The following SYT9 variants were observed in gnomAD, a reference collection of about 807,000 sequenced individuals.
SYT9 encodes synaptotagmin-9.
SYT9 carries 22 observed loss-of-function variants against 48.4 expected under a neutral mutation model. The ratio of observed to expected loss-of-function variants is 0.45; its 90% CI spans 0.32 to 0.65. The LOEUF (loss-of-function observed/expected upper bound fraction) is 0.65, where lower values mean the gene tolerates loss of function less well. Among genes scored for constraint, SYT9 ranks in the 30% least tolerant of loss-of-function variants. The probability of loss-of-function intolerance (pLI) is 0.03; values close to 1 mark genes in which losing one functional copy is unlikely to be tolerated. For missense variants in SYT9, 577 were observed against 622.0 expected, an observed-to-expected ratio of 0.93 and a Z score of 0.77; for synonymous variants, 265 against 245.0, an observed-to-expected ratio of 1.08 and a Z score of -0.76.
At chr11:7,250,277 GCTAAT>G (rs1847843723), upstream of SYT9, among the ~76,000 whole-genome samples, 1 of 152,162 alleles carries the variant, frequency 6.6e-6, no homozygotes, top group African/African-American at 2.4e-5. Flanking sequence ...CTAGCAATCA[GCTAAT>G]GCCTTTGGCC....
In SYT9 at chr11:7,277,336, G is replaced by T. The variant is rs977052187; in HGVS notation, c.145+25005G>T. ...CATTTCCAAAATCTGAAAAATATTA[G>T]TGTAATCTGCAAAATGTGAATTCAT... On this transcript the variant is annotated intron_variant, in intron 1 of 6. Transcript: ENST00000318881. Among the ~76,000 whole-genome samples the T allele has an allele frequency of 1.1e-4, 16 of 152,294 alleles. No individual in the cohort carries two copies. In the East Asian group the frequency reaches 2.9e-3, roughly 28 times the overall value.
chr11:7,350,038 G>T (rs748234551), intron 3 of SYT9, among the ~76,000 whole-genome samples: 1 of 152,128 alleles, frequency 6.6e-6, no homozygotes, highest in Non-Finnish European at 1.5e-5. Flanking sequence ...GCCAGGGGGG[G>T]ACCCACCGAG....
At position 7,468,962 on chromosome 11, in the gene SYT9, C is replaced by T. The variant is rs1045754569; in HGVS notation, c.*2162C>T. The T allele has an allele frequency of 8.0e-5, 12 of 149,670 alleles. No homozygotes were observed. The highest frequency in any genetic ancestry group is 2.7e-4 in the African/African-American group (11 of 40,156). The allele number at this position is 149,670 out of a possible 1,614,324, so 9.3% of individuals were successfully genotyped here. On this transcript the variant is annotated 3_prime_UTR_variant, in exon 7 of 7. Coordinates refer to ENST00000318881, the MANE Select transcript of SYT9 (RefSeq NM_175733.4). Reference sequence around the variant, plus strand: ...TGGTTATAAATTTGAACTCCCTCAGCCCATTTGCAACTCTGCCTCTGTTCT... The same window carrying T: ...TGGTTATAAATTTGAACTCCCTCAGTCCATTTGCAACTCTGCCTCTGTTCT...
intron 1 of SYT9, chr11:7,239,019 C>T (rs1168180991): frequency 6.8e-6 from 3 of 444,140 alleles, no homozygotes; most frequent in Non-Finnish European, 1.4e-5. Flanking sequence ...TTGGAGCTGT[C>T]TGCTGACAGA....
chr11:7,264,938 T>C (rs766285126), intron 1 of SYT9, among the ~76,000 whole-genome samples: 12 of 152,084 alleles, frequency 7.9e-5, no homozygotes, highest in Non-Finnish European at 1.5e-4. Flanking sequence ...AGTTGTGGTG[T>C]AGTGGTGTGT....
chr11:7,356,678 AT>A (rs1850028724), intron 3 of SYT9, among the ~76,000 whole-genome samples: 1 of 152,246 alleles, frequency 6.6e-6, no homozygotes, highest in Non-Finnish European at 1.5e-5. Flanking sequence ...CAACTGTCAC[AT>A]TTTACAGTAG....
At chr11:7,313,293 C>A in intron 2 of SYT9, 102 bp from the exon 3 acceptor site, 1 of 1,254,940 alleles carries the variant, frequency 8.0e-7, no homozygotes, top group South Asian at 1.6e-5. Flanking sequence ...GATCTAAGCT[C>A]CTGACAAAAT....
chr11:7,412,958 C>G (rs1847166893), intron 3 of SYT9, among the ~76,000 whole-genome samples: 1 of 152,188 alleles, frequency 6.6e-6, no homozygotes, highest in Admixed American at 6.5e-5. Context: ...GGATGGCATG[C>G]TCAAGTACTG....
chr11:7,246,454 G>T (rs749812353), intron 1 of SYT9, among the ~76,000 whole-genome samples: 1 of 152,174 alleles, frequency 6.6e-6, no homozygotes, highest in Non-Finnish European at 1.5e-5. Flanking sequence ...ATGAATGAAA[G>T]AACAAATAGT....
chr11:7,260,272 A>T (rs1401866744), intron 1 of SYT9, among the ~76,000 whole-genome samples: 1 of 152,200 alleles, frequency 6.6e-6, no homozygotes, highest in Admixed American at 6.5e-5. Context: ...AAAAGAGGAG[A>T]GAAGTAATTA....
At chr11:7,288,779 T>TG (rs1227025031) in intron 1 of SYT9, among the ~76,000 whole-genome samples, 3 of 152,234 alleles carry the variant, frequency 2.0e-5, no homozygotes, top group Non-Finnish European at 2.9e-5. Context: ...GACCACTGTC[T>TG]GATCTCCCAC....
At chr11:7,413,511 G>A (rs141345162) in intron 3 of SYT9, among the ~76,000 whole-genome samples, 122 of 152,246 alleles carry the variant, frequency 8.0e-4, no homozygotes, top group African/African-American at 2.8e-3. Context: ...TATGTGGTGG[G>A]AATGTGGACC....
rs527341025 is a variant in SYT9, at chr11:7,349,523, G to A, written c.1044+35582G>A. 6.6e-5 allele frequency among the ~76,000 whole-genome samples: 10 copies of A among 152,164 alleles called. 1 individual carries two copies. The highest frequency in any genetic ancestry group is 3.4e-3 in the Middle Eastern group (1 of 294). ...GCCAGTTGAGGTGGGCTGCGGGCAG[G>A]GGTCATGTTCCTACAGGGGCCACCT... is the stretch of plus-strand genomic sequence containing the variant. On this transcript the variant is annotated intron_variant, in intron 3 of 6. Coordinates refer to ENST00000318881, the MANE Select transcript of SYT9 (RefSeq NM_175733.4).
intron 1 of SYT9, among the ~76,000 whole-genome samples, chr11:7,286,411 C>G (rs756556240): frequency 2.0e-5 from 3 of 152,166 alleles, no homozygotes; most frequent in African/African-American, 7.2e-5. Flanking sequence ...GCAGGGGGGG[C>G]CCAGGACCTG....
At position 7,408,960 on chromosome 11, in the gene SYT9, C is replaced by T. The variant is rs540323084; in HGVS notation, c.1045-7082C>T. 2.6e-5 allele frequency among the ~76,000 whole-genome samples: 4 copies of T among 152,218 alleles called. No individual in the cohort carries two copies. The East Asian group carries it at 7.7e-4, about 29-fold the overall frequency. ...GAAAGTGGGTATTTGTGTTGAGTTA[C>T]AGATCTGAGAAGAAAGGCTTTCATC... is the stretch of plus-strand genomic sequence containing the variant. On this transcript the variant is annotated intron_variant, in intron 3 of 6. Transcript: ENST00000318881.
At chr11:7,294,243 T>TG (rs957397820) in intron 1 of SYT9, among the ~76,000 whole-genome samples, 4 of 152,124 alleles carry the variant, frequency 2.6e-5, no homozygotes, top group Non-Finnish European at 5.9e-5. Flanking sequence ...CATATGAATT[T>TG]GGGGGGGACA....
chr11:7,292,692 C>A (rs1848715818), intron 1 of SYT9, among the ~76,000 whole-genome samples: 1 of 152,198 alleles, frequency 6.6e-6, no homozygotes, highest in African/African-American at 2.4e-5. Flanking sequence ...TAAAACTCTG[C>A]ACATCAGATT....
intron 3 of SYT9, among the ~76,000 whole-genome samples, chr11:7,328,099 ATTTT>A (rs1564863930): frequency 8.8e-5 from 4 of 45,666 alleles, no homozygotes; most frequent in Middle Eastern, 0.012. Context: ...AATAATAATA[ATTTT>A]AAAAAAAATT....
chr11:7,378,176 C>T (rs2134041301), intron 3 of SYT9, among the ~76,000 whole-genome samples: 1 of 150,668 alleles, frequency 6.6e-6, no homozygotes, highest in South Asian at 2.1e-4. Flanking sequence ...GAAGAAACAG[C>T]ACACAAAGAA....
Sources: allele counts gnomAD v4.1 joint callset (sites outside exome capture counted in the v4.1 genomes callset), GRCh38; gene constraint gnomAD v4.1.1; transcripts MANE v1.5; gene names NCBI Gene and HGNC (gene_info 2026-07-23, HGNC 2026-07-21).